The following PDE11A variants were observed in gnomAD, a reference collection of about 807,000 sequenced individuals.
The protein encoded by PDE11A is dual 3',5'-cyclic-AMP and -GMP phosphodiesterase 11A.
A neutral mutation model predicts 100.5 loss-of-function variants in PDE11A; 100 were observed. The observed-to-expected ratio is 1.00, with a 90% CI of 0.85 to 1.18. The LOEUF is 1.18. Among genes scored for constraint, PDE11A ranks in the 50% most tolerant of loss-of-function variants. The pLI is 0.00. For missense variants in PDE11A, 1,141 were observed against 1,152.6 expected (o/e 0.99, Z 0.15); for synonymous variants, 381 against 420.8 (o/e 0.91, Z 1.16).
At chr2:178,030,144 G>C (rs1353621129) in intron 1 of PDE11A, among the ~76,000 whole-genome samples, 2 of 151,952 alleles carry the variant, frequency 1.3e-5, no homozygotes, top group Non-Finnish European at 2.9e-5. Flanking sequence ...AAAATCTCTA[G>C]AGAGAATAAT....
intron 3 of PDE11A, among the ~76,000 whole-genome samples, chr2:177,903,961 C>T (rs1414018561): frequency 6.6e-6 from 1 of 152,124 alleles, no homozygotes; most frequent in East Asian, 1.9e-4. Flanking sequence ...GTATGTCATG[C>T]TAAAGACCAT....
intron 5 of PDE11A, among the ~76,000 whole-genome samples, chr2:177,845,797 G>T (rs1032188265): frequency 3.3e-5 from 5 of 152,364 alleles, no homozygotes; most frequent in Non-Finnish European, 5.9e-5. Context: ...GGGAGGCCGA[G>T]GCTGGTGGAT....
chr2:177,654,389 C>T (rs867082531), intron 19 of PDE11A, among the ~76,000 whole-genome samples: 4 of 152,006 alleles, frequency 2.6e-5, no homozygotes, highest in African/African-American at 9.7e-5. Context: ...GGTGTGGTGG[C>T]GTGTGCCTAT....
rs2085686379 is a variant in PDE11A, at chr2:177,965,414, C to A, written c.1071+48888G>T. On this transcript the variant is annotated intron_variant, in intron 2 of 19. Coordinates refer to ENST00000286063, the MANE Select transcript of PDE11A (RefSeq NM_016953.4). Reference sequence around the variant, plus strand: ...TTTCCGTTGCAATTGCTTTTGGAGTCTTGGTCATAAAATCTTTGTCAGGAT... The same window carrying A: ...TTTCCGTTGCAATTGCTTTTGGAGTATTGGTCATAAAATCTTTGTCAGGAT... Among the ~76,000 whole-genome samples the A allele has an allele frequency of 2.0e-5, 3 of 152,040 alleles. No homozygotes were observed. In the South Asian group the frequency reaches 6.2e-4, roughly 32 times the overall value.
At chr2:177,874,780 A>G (rs1474388421) in intron 5 of PDE11A, among the ~76,000 whole-genome samples, 1 of 152,244 alleles carries the variant, frequency 6.6e-6, no homozygotes. Flanking sequence ...TTTTATTGGA[A>G]GATTTAGTCA....
intron 9 of PDE11A, among the ~76,000 whole-genome samples, chr2:177,776,296 GT>G (rs1208233281): frequency 1.1e-4 from 17 of 152,108 alleles, no homozygotes; most frequent in African/African-American, 3.9e-4. Flanking sequence ...AAATTCAAAT[GT>G]ACTTAAGTGT....
intron 2 of PDE11A, among the ~76,000 whole-genome samples, chr2:177,947,369 T>A (rs1241083343): frequency 6.6e-6 from 1 of 151,738 alleles, no homozygotes; most frequent in Non-Finnish European, 1.5e-5. Flanking sequence ...ATGGTTGCCG[T>A]GTCTGTGTAG....
At chr2:178,014,492 A>C in intron 1 of PDE11A, 32 bp from the exon 2 acceptor site, 1 of 1,581,034 alleles carries the variant, frequency 6.3e-7, no homozygotes, top group African/African-American at 1.3e-5. Flanking sequence ...CATTAACTGC[A>C]TGTGCATTGT....
intron 1 of PDE11A, among the ~76,000 whole-genome samples, chr2:178,039,184 G>T (rs1193831190): frequency 2.0e-5 from 3 of 152,076 alleles, no homozygotes; most frequent in Non-Finnish European, 4.4e-5. Context: ...TATACACATG[G>T]ATACTATGCA....
chr2:177,877,301 A>T (rs915087162), intron 4 of PDE11A, among the ~76,000 whole-genome samples: 2 of 123,950 alleles, frequency 1.6e-5, no homozygotes, highest in African/African-American at 7.1e-5. Context: ...AGTCGCTGGG[A>T]TTACAGGGGC....
intron 9 of PDE11A, among the ~76,000 whole-genome samples, chr2:177,790,922 C>T (rs573918924): frequency 6.6e-6 from 1 of 152,294 alleles, no homozygotes; most frequent in African/African-American, 2.4e-5. Flanking sequence ...AATAGGAACA[C>T]TTTTACACTG....
chr2:177,804,687 A>T (rs2082843677), intron 9 of PDE11A, among the ~76,000 whole-genome samples: 1 of 135,000 alleles, frequency 7.4e-6, no homozygotes, highest in Admixed American at 8.2e-5. Flanking sequence ...GTCCATCAGT[A>T]TAAGACTGGA....
intron 2 of PDE11A, among the ~76,000 whole-genome samples, chr2:178,099,653 T>C (rs1160633055): frequency 2.0e-5 from 3 of 152,130 alleles, no homozygotes; most frequent in South Asian, 2.1e-4. Context: ...TAATTCACAA[T>C]GGAATTGTGG....
intron 5 of PDE11A, among the ~76,000 whole-genome samples, chr2:177,853,797 T>G (rs1020780344): frequency 7.0e-6 from 1 of 142,096 alleles, no homozygotes; most frequent in African/African-American, 2.6e-5. Context: ...TAGATATATA[T>G]GTATATATGT....
intron 9 of PDE11A, among the ~76,000 whole-genome samples, chr2:177,791,415 A>G (rs2082630679): frequency 6.7e-6 from 1 of 148,848 alleles, no homozygotes; most frequent in African/African-American, 2.5e-5. Flanking sequence ...GAGGGATAGC[A>G]TTAGGAGATA....
At chr2:178,020,930 T>G (rs1218407955) in intron 1 of PDE11A, among the ~76,000 whole-genome samples, 28 of 44,210 alleles carry the variant, frequency 6.3e-4, no homozygotes, top group South Asian at 2.2e-3. Flanking sequence ...TCTTGGTGTG[T>G]GTGTGTGTGT....
chr2:177,758,734 G>A (rs1208183074), intron 10 of PDE11A, among the ~76,000 whole-genome samples: 17 of 152,102 alleles, frequency 1.1e-4, no homozygotes, highest in Non-Finnish European at 2.9e-5. Context: ...GACCTCCACG[G>A]TGCCTCCTTG....
intron 2 of PDE11A, among the ~76,000 whole-genome samples, chr2:177,916,221 A>G (rs2084951382): frequency 6.6e-6 from 1 of 152,176 alleles, no homozygotes; most frequent in African/African-American, 2.4e-5. Flanking sequence ...ATTTATTTCT[A>G]CAATATAAGA....
intron 9 of PDE11A, among the ~76,000 whole-genome samples, chr2:177,770,477 G>T (rs1558929919): frequency 6.6e-6 from 1 of 152,248 alleles, no homozygotes; most frequent in South Asian, 2.1e-4. Context: ...AGCTGGGGTG[G>T]TCCTATAGGG....
Sources: allele counts gnomAD v4.1 joint callset (sites outside exome capture counted in the v4.1 genomes callset), GRCh38; gene constraint gnomAD v4.1.1; transcripts MANE v1.5; gene names NCBI Gene and HGNC (gene_info 2026-07-23, HGNC 2026-07-21).